Variants in ADAMTSL1 observed in about 807,000 individuals in gnomAD.
The protein encoded by ADAMTSL1 is ADAMTS-like protein 1.
A neutral mutation model predicts 201.8 loss-of-function variants in ADAMTSL1; 126 were observed. The ratio of observed to expected loss-of-function variants is 0.62; its 90% CI spans 0.54 to 0.72. The LOEUF (loss-of-function observed/expected upper bound fraction) is 0.72. Ranked by LOEUF, ADAMTSL1 falls within the 30% of genes least tolerant of loss-of-function variation. The probability of loss-of-function intolerance (pLI) is 0.00; values close to 1 mark genes in which losing one functional copy is unlikely to be tolerated. For synonymous variants in ADAMTSL1, 1,121 were observed against 903.4 expected (o/e 1.24, Z -4.32); for missense variants, 2,679 against 2,277.8 (o/e 1.18, Z -3.59).
At chr9:18,484,492 A>C (rs1821888352) in intron 1 of ADAMTSL1, among the ~76,000 whole-genome samples, 1 of 152,166 alleles carries the variant, frequency 6.6e-6, no homozygotes, top group South Asian at 2.1e-4. Flanking sequence ...TTTTTTAGGA[A>C]TACTGAAACC....
chr9:18,805,449 T>G (rs974302662), intron 20 of ADAMTSL1, among the ~76,000 whole-genome samples: 3 of 152,200 alleles, frequency 2.0e-5, no homozygotes, highest in Non-Finnish European at 2.9e-5. Flanking sequence ...GTTTTGCCAT[T>G]GTGTTATAGC....
At chr9:18,226,740 A>C (rs763352891) in intron 2 of ADAMTSL1, among the ~76,000 whole-genome samples, 12 of 152,112 alleles carry the variant, frequency 7.9e-5, no homozygotes, top group Non-Finnish European at 1.0e-4. Flanking sequence ...TTTGTCCACT[A>C]GATTTGAAAG....
rs138144006 is a variant in ADAMTSL1 at position 18,254,089 on chromosome 9, C to G, written c.207+90108C>G. ...AGCCTGAGCTCTGGAGTCAGACTCC[C>G]TAGATCTGAATTTTACCTGAGCCAC... On this transcript the variant is annotated intron_variant, in intron 2 of 29. Coordinates refer to the ADAMTSL1 transcript ENST00000680146. Among the ~76,000 whole-genome samples, 28 of 152,254 alleles carry G rather than the reference C, an allele frequency of 1.8e-4. No individual in the cohort carries two copies. The East Asian group carries it at 3.3e-3, about 18-fold the overall frequency.
chr9:18,227,628 T>G (rs1023926833), intron 2 of ADAMTSL1, among the ~76,000 whole-genome samples: 1 of 152,150 alleles, frequency 6.6e-6, no homozygotes, highest in African/African-American at 2.4e-5. Context: ...CATTGAAACA[T>G]GTATGTCTTT....
chr9:18,038,772 C>G (rs958602415), intron 1 of ADAMTSL1, among the ~76,000 whole-genome samples: 1 of 152,174 alleles, frequency 6.6e-6, no homozygotes, highest in Non-Finnish European at 1.5e-5. Flanking sequence ...GAGCATAAAG[C>G]ATCTAACAAG....
At chr9:18,426,260 A>C (rs1468949634) in intron 2 of ADAMTSL1, among the ~76,000 whole-genome samples, 1 of 152,166 alleles carries the variant, frequency 6.6e-6, no homozygotes, top group Non-Finnish European at 1.5e-5. Flanking sequence ...GGAAGTCTCC[A>C]TGACCCAAGT....
intron 8 of ADAMTSL1, among the ~76,000 whole-genome samples, chr9:18,658,030 A>G (rs1372003548): frequency 6.9e-6 from 1 of 144,742 alleles, no homozygotes; most frequent in East Asian, 2.1e-4. Context: ...GCTGGAGTGC[A>G]GTGGCGCCAT....
At position 18,062,616 on chromosome 9, in the gene ADAMTSL1, A is replaced by G. The variant is rs954126451; in HGVS notation, c.88-101246A>G. Among the ~76,000 whole-genome samples, 5 of 152,320 alleles carry G rather than the reference A, an allele frequency of 3.3e-5. 1 individual carries two copies. The East Asian group carries it at 9.6e-4, about 29-fold the overall frequency. On this transcript the variant is annotated intron_variant, in intron 1 of 29. Transcript: ENST00000680146. ...AGAGGAATAAGAAATCATTCTGGACAGTCTGAGTAAGGAGAACAGTCATAA... is the reference window on the plus strand; with the variant it reads ...AGAGGAATAAGAAATCATTCTGGACGGTCTGAGTAAGGAGAACAGTCATAA...
chr9:18,479,215 A>T (rs1161969244), intron 1 of ADAMTSL1, among the ~76,000 whole-genome samples: 1 of 152,074 alleles, frequency 6.6e-6, no homozygotes, highest in African/African-American at 2.4e-5. Flanking sequence ...CCTCTCAGGG[A>T]CTCTGTTAAC....
At chr9:18,057,080 T>G (rs1197743627) in intron 1 of ADAMTSL1, among the ~76,000 whole-genome samples, 1 of 152,178 alleles carries the variant, frequency 6.6e-6, no homozygotes, top group Admixed American at 6.5e-5. Context: ...GTTGTCCTGG[T>G]GAAGGTCAAA....
At chr9:18,684,992 C>T (rs1277207624) in intron 13 of ADAMTSL1, 192 bp downstream of exon 13, 17 of 1,348,764 alleles carry the variant, frequency 1.3e-5, no homozygotes, top group East Asian at 2.9e-5. Flanking sequence ...ATTGTAAATA[C>T]TTCTGTTTTG....
intron 1 of ADAMTSL1, among the ~76,000 whole-genome samples, chr9:18,076,800 A>C (rs1057404482): frequency 1.3e-5 from 2 of 152,184 alleles, no homozygotes; most frequent in Non-Finnish European, 2.9e-5. Context: ...ATACATATCA[A>C]TAATGACTTG....
At chr9:18,146,564 G>A (rs1361227430) in intron 1 of ADAMTSL1, among the ~76,000 whole-genome samples, 2 of 152,156 alleles carry the variant, frequency 1.3e-5, no homozygotes, top group Admixed American at 1.3e-4. Context: ...GGAGGGAACA[G>A]GGTTGAATAG....
At chr9:18,254,659 GCCCCCCCGCCCC>G (rs1831612354) in intron 2 of ADAMTSL1, among the ~76,000 whole-genome samples, 1 of 98,650 alleles carries the variant, frequency 1.0e-5, no homozygotes, top group Admixed American at 1.3e-4. Context: ...CACCGCGCCT[GCCCCCCCGCCCC>G]CCCCAGTACT....
In ADAMTSL1 at chr9:18,889,729, C is replaced by T. The variant is rs1023901628; in HGVS notation, c.4624C>T (p.Arg1542Trp). Residue 1542 changes from arginine (R) to tryptophan (W), a missense_variant, in exon 25 of 29, where the codon CGG (arginine) becomes TGG (tryptophan). Arg to Trp is a moderately radical substitution (Grantham distance 101). Transcript: ENST00000380548. ...TGCGGTGCAGCCCATCGCGTGCAAC[C>T]GGAGAGACTGCCCTTCTCGGTGAGT... ...RPAVQPIACN[R>W]RDCPSRWMVT... The T allele has an allele frequency of 5.3e-6, 8 of 1,511,454 alleles. No homozygotes were observed. Among genetic ancestry groups the T allele is most frequent in the African/African-American group, 1.4e-5 (1 of 70,686 alleles). 93.6% of individuals were successfully genotyped at this position (1,511,454 alleles called of 1,614,324 possible).
At chr9:18,889,375 T>C (rs950434992) in intron 24 of ADAMTSL1, among the ~76,000 whole-genome samples, 193 bp from the exon 25 acceptor site, 3 of 152,208 alleles carry the variant, frequency 2.0e-5, no homozygotes, top group African/African-American at 7.2e-5. Context: ...CTGAGGCCCC[T>C]AGAGACCACG....
chr9:18,712,002 G>A (rs1337013697), intron 14 of ADAMTSL1, among the ~76,000 whole-genome samples: 2 of 152,058 alleles, frequency 1.3e-5, no homozygotes, highest in Non-Finnish European at 2.9e-5. Flanking sequence ...CACCTCACAC[G>A]GCCGGGTACT....
At chr9:18,137,046 T>A (rs2131988884) in intron 1 of ADAMTSL1, among the ~76,000 whole-genome samples, 1 of 152,080 alleles carries the variant, frequency 6.6e-6, no homozygotes, top group South Asian at 2.1e-4. Flanking sequence ...TGAGAGATTA[T>A]CAGCAGAAAA....
intron 2 of ADAMTSL1, among the ~76,000 whole-genome samples, chr9:18,216,416 T>C (rs541274407): frequency 1.3e-5 from 2 of 152,306 alleles, no homozygotes; most frequent in East Asian, 3.9e-4. Flanking sequence ...CCACAATTCT[T>C]TTGCACTTGC....
Sources: gnomAD v4.1 joint callset for allele counts (sites outside exome capture counted in the v4.1 genomes callset) on GRCh38, gnomAD v4.1.1 for gene constraint, MANE v1.5 for transcripts, NCBI Gene and HGNC (gene_info 2026-07-23, HGNC 2026-07-21) for gene names.